PLCL1: variants seen among roughly 807,000 people sequenced by gnomAD.
The protein encoded by PLCL1 is phospholipase C like 1 (inactive), also known as inactive phospholipase C-like protein 1.
A neutral mutation model predicts 84.4 loss-of-function variants in PLCL1; 41 were observed. The observed-to-expected ratio is 0.49, with a 90% CI of 0.38 to 0.63. PLCL1 has a LOEUF of 0.63. Among genes scored for constraint, PLCL1 ranks in the 30% least tolerant of loss-of-function variants. PLCL1 has a pLI of 0.00. For missense variants in PLCL1, 1,206 were observed against 1,367.8 expected, an observed-to-expected ratio of 0.88 and a Z score of 1.87; for synonymous variants, 490 against 488.3, an observed-to-expected ratio of 1.00 and a Z score of -0.05.
At chr2:197,915,096 T>A (rs1035393203) in intron 1 of PLCL1, among the ~76,000 whole-genome samples, 4 of 152,240 alleles carry the variant, frequency 2.6e-5, no homozygotes, top group Non-Finnish European at 5.9e-5. Flanking sequence ...GCATTCTTGT[T>A]TTGACTGCAT....
chr2:197,974,389 C>G, intron 1 of PLCL1, among the ~76,000 whole-genome samples: 1 of 152,184 alleles, frequency 6.6e-6, no homozygotes, highest in Admixed American at 6.5e-5. Flanking sequence ...TCATCTTGAG[C>G]ATGTGCTACT....
chr2:198,131,230 G>A (rs2105936478), intron 5 of PLCL1, among the ~76,000 whole-genome samples: 1 of 152,218 alleles, frequency 6.6e-6, no homozygotes, highest in Admixed American at 6.5e-5. Flanking sequence ...ACACTGCATG[G>A]GGCACTGTTA....
At chr2:197,932,143 G>A (rs1030010941) in intron 1 of PLCL1, among the ~76,000 whole-genome samples, 3 of 151,974 alleles carry the variant, frequency 2.0e-5, no homozygotes, top group African/African-American at 4.8e-5. Flanking sequence ...TTGATTGCAC[G>A]GTCCTCTGAT....
intron 1 of PLCL1, among the ~76,000 whole-genome samples, chr2:198,008,021 T>C (rs1345851665): frequency 6.6e-6 from 1 of 152,078 alleles, no homozygotes; most frequent in Admixed American, 6.6e-5. Flanking sequence ...TATTTCATTG[T>C]TTACTTTTAC....
intron 1 of PLCL1, among the ~76,000 whole-genome samples, chr2:198,001,035 TGTG>T (rs1029649612): frequency 4.6e-5 from 7 of 152,136 alleles, no homozygotes; most frequent in Non-Finnish European, 8.8e-5. Flanking sequence ...GGCAGAGAGA[TGTG>T]GTGTTTTCTG....
intron 1 of PLCL1, among the ~76,000 whole-genome samples, chr2:197,887,696 A>T (rs952349002): frequency 1.3e-5 from 2 of 152,088 alleles, no homozygotes; most frequent in Non-Finnish European, 2.9e-5. Context: ...CATCACCCAT[A>T]CTTTGTACCC....
At chr2:197,949,067 A>G (rs1053846788) in intron 1 of PLCL1, among the ~76,000 whole-genome samples, 2 of 152,210 alleles carry the variant, frequency 1.3e-5, no homozygotes, top group African/African-American at 4.8e-5. Context: ...GGGAATGTTC[A>G]GAGATCAGAG....
intron 1 of PLCL1, among the ~76,000 whole-genome samples, chr2:197,826,815 A>G (rs1690939251): frequency 1.3e-5 from 2 of 152,162 alleles, no homozygotes; most frequent in African/African-American, 4.8e-5. Flanking sequence ...ATGTTTATTG[A>G]ATGAGTGAAT....
chr2:198,026,334 A>T (rs1691264894), intron 1 of PLCL1, among the ~76,000 whole-genome samples: 1 of 152,176 alleles, frequency 6.6e-6, no homozygotes, highest in African/African-American at 2.4e-5. Flanking sequence ...TCCTTTATGG[A>T]GTCTATTTTT....
At chr2:197,983,658 A>G (rs1487172083) in intron 1 of PLCL1, among the ~76,000 whole-genome samples, 1 of 152,202 alleles carries the variant, frequency 6.6e-6, no homozygotes, top group East Asian at 1.9e-4. Flanking sequence ...CCGAAGATAG[A>G]AAGGAGATAA....
intron 1 of PLCL1, among the ~76,000 whole-genome samples, chr2:197,963,155 G>A (rs938866904): frequency 2.6e-5 from 4 of 151,984 alleles, no homozygotes; most frequent in Non-Finnish European, 4.4e-5. Flanking sequence ...CCTCCAAACC[G>A]TTCTCCATAG....
intron 1 of PLCL1, among the ~76,000 whole-genome samples, chr2:197,991,268 C>A (rs1690341452): frequency 6.6e-6 from 1 of 152,158 alleles, no homozygotes; most frequent in African/African-American, 2.4e-5. Context: ...TATAATTTGG[C>A]TCCCCTGGTT....
At chr2:197,930,630 C>T (rs1310029527) in intron 1 of PLCL1, among the ~76,000 whole-genome samples, 1 of 152,108 alleles carries the variant, frequency 6.6e-6, no homozygotes, top group African/African-American at 2.4e-5. Context: ...GTTCATAGAA[C>T]TCTAGGCACC....
rs573847878 is a variant in PLCL1 at position 197,858,410 on chromosome 2, T to C, written c.240+53071T>C. 7.4e-4 allele frequency among the ~76,000 whole-genome samples: 112 copies of C among 152,306 alleles called. 1 individual carries two copies. The highest frequency in any genetic ancestry group is 2.6e-3 in the African/African-American group (110 of 41,576). ...CATGTGTTCACATGGCTGTTTTTAT[T>C]AAGCCTGTGGTCTCCATTCTGATTT... On this transcript the variant is annotated intron_variant, in intron 1 of 5. Transcript: ENST00000428675.
At chr2:197,952,790 G>C (rs1689412666) in intron 1 of PLCL1, among the ~76,000 whole-genome samples, 1 of 152,022 alleles carries the variant, frequency 6.6e-6, no homozygotes, top group South Asian at 2.1e-4. Context: ...AGATCTGATG[G>C]TTTTGTAAGG....
Position 198,101,387 on chromosome 2 carries a change from T to G in PLCL1, c.2995+27T>G, listed in dbSNP as rs191512063. The G allele has an allele frequency of 8.4e-5, 98 of 1,167,998 alleles. No homozygotes were observed. In the East Asian group the frequency reaches 2.3e-3, roughly 28 times the overall value. 72.4% of individuals were successfully genotyped at this position (1,167,998 alleles called of 1,614,324 possible). On this transcript the variant is annotated intron_variant, in intron 4 of 5. Coordinates refer to ENST00000428675, the MANE Select transcript of PLCL1 (RefSeq NM_006226.4). ...TAATTGTTTTTAATTTTTTTTTCTG[T>G]TTTTTTTTTCTATTTTGTTTGGAAA...
At chr2:197,949,056 G>C (rs979911880) in intron 1 of PLCL1, among the ~76,000 whole-genome samples, 1 of 152,078 alleles carries the variant, frequency 6.6e-6, no homozygotes, top group Non-Finnish European at 1.5e-5. Flanking sequence ...AGCCTGCCAG[G>C]GGGAATGTTC....
chr2:197,824,329 A>G (rs1382076543), intron 1 of PLCL1, among the ~76,000 whole-genome samples: 1 of 152,146 alleles, frequency 6.6e-6, no homozygotes, highest in African/African-American at 2.4e-5. Flanking sequence ...TTACTGAGCA[A>G]AAGTCCTGTT....
chr2:197,970,198 T>C (rs1689832512), intron 1 of PLCL1, among the ~76,000 whole-genome samples: 1 of 152,214 alleles, frequency 6.6e-6, no homozygotes, highest in Non-Finnish European at 1.5e-5. Flanking sequence ...ATAAGGGCCT[T>C]CTTGCTATGT....
Sources: gnomAD v4.1 joint callset for allele counts (sites outside exome capture counted in the v4.1 genomes callset) on GRCh38, gnomAD v4.1.1 for gene constraint, MANE v1.5 for transcripts, NCBI Gene and HGNC (gene_info 2026-07-23, HGNC 2026-07-21) for gene names.